The following ZER1 variants were observed in gnomAD, a reference collection of about 807,000 sequenced individuals.
ZER1 encodes the protein zyg-11 related cell cycle regulator.
A neutral mutation model predicts 78.8 loss-of-function variants in ZER1; 11 were observed. The ratio of observed to expected loss-of-function variants is 0.14; its 90% CI spans 0.09 to 0.23. ZER1 has a LOEUF of 0.23. ZER1 is among the 10% of genes least tolerant of loss of function. ZER1 has a pLI of 1.00. For synonymous variants in ZER1, 400 were observed against 407.0 expected, an observed-to-expected ratio of 0.98 and a Z score of 0.21; for missense variants, 588 against 996.9, an observed-to-expected ratio of 0.59 and a Z score of 5.52.
chr9:128,761,961 G>GA (rs61227988), intron 1 of ZER1, among the ~76,000 whole-genome samples: 2 of 110 alleles, frequency 0.018, no homozygotes, highest in East Asian at 0.25. Context: ...GTGTAAACTA[G>GA]ACTGGAACCT....
At chr9:128,752,623 A>G in intron 5 of ZER1, 50 bp downstream of exon 5, 1 of 1,558,920 alleles carries the variant, frequency 6.4e-7, no homozygotes, top group Non-Finnish European at 8.7e-7. Context: ...GCCAGCCTAA[A>G]TGCCTGTTGA....
At chr9:128,768,930 A>G (rs1864298503) in intron 1 of ZER1, among the ~76,000 whole-genome samples, 1 of 151,802 alleles carries the variant, frequency 6.6e-6, no homozygotes, top group South Asian at 2.1e-4. Context: ...TAGAATGGAA[A>G]TTTGCTGGGC....
At chr9:128,760,964 C>G (rs1049352676) in intron 1 of ZER1, among the ~76,000 whole-genome samples, 3 of 151,842 alleles carry the variant, frequency 2.0e-5, no homozygotes, top group African/African-American at 7.3e-5. Flanking sequence ...TCAAGACCAT[C>G]CTGGCTAACA....
intron 1 of ZER1, among the ~76,000 whole-genome samples, chr9:128,763,601 G>T (rs1864116156): frequency 6.6e-6 from 1 of 152,212 alleles, no homozygotes; most frequent in Non-Finnish European, 1.5e-5. Flanking sequence ...GCGTAACTGG[G>T]ACCAGTGTCT....
intron 9 of ZER1, among the ~76,000 whole-genome samples, chr9:128,742,088 C>G (rs574680908): frequency 6.6e-5 from 10 of 152,340 alleles, no homozygotes; most frequent in African/African-American, 2.4e-4. Context: ...TGGGCACAGC[C>G]CTTCCCGCTG....
At position 128,770,290 on chromosome 9, in the gene ZER1, A is replaced by AT. The variant is rs553397559; in HGVS notation, c.-95+1290dup. 6.7e-3 allele frequency among the ~76,000 whole-genome samples: 1,003 copies of AT among 149,700 alleles called. 6 individuals are homozygous for AT. The highest frequency in any genetic ancestry group is 7.7e-3 in the Non-Finnish European group (517 of 67,146). On this transcript the variant is annotated intron_variant, in intron 1 of 15. Transcript: ENST00000291900. Reference sequence around the variant, plus strand: ...AGACATGAGCCACCACGGCCAGCTAATTTTTTTTTTGGTACTTTTAGTAGA... The same window carrying AT: ...AGACATGAGCCACCACGGCCAGCTAATTTTTTTTTTTGGTACTTTTAGTAGA...
At chr9:128,748,172 G>A (rs549659152) in intron 8 of ZER1, among the ~76,000 whole-genome samples, 1 of 152,060 alleles carries the variant, frequency 6.6e-6, no homozygotes, top group Non-Finnish European at 1.5e-5. Context: ...TTGGGAGGCC[G>A]ACGCAGGCGG....
rs573055562 is a variant in ZER1, at chr9:128,756,939, T to C, written c.-94-1280A>G. ...AAAGTGAAGTCTCCTACTAGCTTCA[T>C]GACTTTAGCACAGCTAAAGATTTCC... is the stretch of plus-strand genomic sequence containing the variant. On this transcript the variant is annotated intron_variant, in intron 1 of 15. Coordinates refer to ENST00000291900, the MANE Select transcript of ZER1 (RefSeq NM_006336.4). Among the ~76,000 whole-genome samples, 219 of 152,336 alleles carry C rather than the reference T, an allele frequency of 1.4e-3. 4 individuals carry two copies. The highest frequency in any genetic ancestry group is 0.014 in the Admixed American group (214 of 15,286).
chr9:128,734,144 A>AAAAAAAAAATATATATATATATAT, intron 14 of ZER1, among the ~76,000 whole-genome samples: 4 of 14,440 alleles, frequency 2.8e-4, no homozygotes, highest in Admixed American at 1.5e-3. Context: ...AAAAAAAAAA[A>AAAAAAAAAATATATATATATATAT]ATATATATAT....
Position 128,768,938 on chromosome 9 carries a change from G to A in ZER1, c.-95+2643C>T, listed in dbSNP as rs531782884. On this transcript the variant is annotated intron_variant, in intron 1 of 15. Transcript: ENST00000291900. The stretch of plus-strand genomic sequence containing the variant: ...TACGTGGTAGAATGGAAATTTGCTG[G>A]GCTCATTTTAATTCTTTTTTTTTTA... 3.4e-4 allele frequency among the ~76,000 whole-genome samples: 52 copies of A among 152,124 alleles called. 1 individual carries two copies. Among genetic ancestry groups the A allele is most frequent in the African/African-American group, 1.2e-3 (50 of 41,496 alleles).
chr9:128,770,907 T>C (rs1477326101), intron 1 of ZER1, among the ~76,000 whole-genome samples: 1 of 152,196 alleles, frequency 6.6e-6, no homozygotes. Context: ...CGGTGGCTCA[T>C]GCCTGTATTT....
chr9:128,743,985 G>A (rs1300525313), intron 8 of ZER1, among the ~76,000 whole-genome samples: 1 of 141,262 alleles, frequency 7.1e-6, no homozygotes, highest in Non-Finnish European at 1.5e-5. Flanking sequence ...TGCAACCCCT[G>A]CCTGTGGCGT....
chr9:128,731,216 C>G lies in ZER1; in HGVS notation c.*121G>C. The G allele has an allele frequency of 1.4e-6, 1 of 696,226 alleles. No individual in the cohort carries two copies. The highest frequency in any genetic ancestry group is 2.3e-6 in the Non-Finnish European group (1 of 428,050). The allele number at this position is 696,226 out of a possible 1,614,324, so 43.1% of individuals were successfully genotyped here. On this transcript the variant is annotated 3_prime_UTR_variant, in exon 16 of 16. Coordinates refer to ENST00000291900, the MANE Select transcript of ZER1 (RefSeq NM_006336.4). ...GGAAAAGCGTCGGTTGTGCAAAAGT[C>G]CCCCATGTCTCTTCACTCCGTGGGA...
chr9:128,755,658 G>A lies in ZER1; in HGVS notation c.-93C>T. ...TCACAGGATCATTGGCAGAGCCACT[G>A]CCTGGGGAGTGGACAAGATGCCAAG... On this transcript the variant is annotated splice_region_variant and 5_prime_UTR_variant, in exon 2 of 16. Transcript: ENST00000291900. The surrounding 1 kb of genome is among the most constrained non-coding windows in gnomAD (Gnocchi z 5.6). 1 of 1,504,750 alleles carries A rather than the reference G, an allele frequency of 6.6e-7. No homozygotes were observed. The highest frequency in any genetic ancestry group is 9.0e-7 in the Non-Finnish European group (1 of 1,108,938). The allele number at this position is 1,504,750 out of a possible 1,614,324, so 93.2% of individuals were successfully genotyped here. A position where few individuals can be genotyped will look rare whatever the true frequency, so the allele number is the denominator to read the frequency against.
chr9:128,772,183 C>T (rs1564416183), upstream of ZER1, among the ~76,000 whole-genome samples: 3 of 152,282 alleles, frequency 2.0e-5, no homozygotes, highest in Non-Finnish European at 4.4e-5. Flanking sequence ...GGTGCCCGCC[C>T]TGGCGCTGCG....
chr9:128,750,521 G>A, intron 8 of ZER1, 95 bp downstream of exon 8: 1 of 1,425,342 alleles, frequency 7.0e-7, no homozygotes, highest in Non-Finnish European at 9.6e-7. Context: ...TGGGACAGAT[G>A]CAGCCCAGAG....
Position 128,740,998 on chromosome 9 carries a change from A to G in ZER1, c.1738-111T>C, listed in dbSNP as rs1022215979. 8.2e-5 allele frequency: 56 copies of G among 681,676 alleles called. No homozygotes were observed. Among genetic ancestry groups the G allele is most frequent in the Non-Finnish European group, 1.4e-4 (52 of 369,398 alleles). The allele number at this position is 681,676 out of a possible 1,614,324, so 42.2% of individuals were successfully genotyped here. On this transcript the variant is annotated intron_variant, in intron 11 of 15. Transcript: ENST00000291900. The surrounding 1 kb of genome is among the most constrained non-coding windows in gnomAD (Gnocchi z 4.4). The stretch of plus-strand genomic sequence containing the variant: ...ATCTGGCCATGCCAACTAGACAAAG[A>G]GGGGGCATATATGCTGCCCTCCTAC...
intron 1 of ZER1, among the ~76,000 whole-genome samples, chr9:128,767,011 C>T (rs1188697398): frequency 6.6e-6 from 1 of 150,718 alleles, no homozygotes; most frequent in Admixed American, 6.6e-5. Flanking sequence ...GGCACAATCT[C>T]GGCTCACTGC....
chr9:128,766,941 T>TA (rs1864230923), intron 1 of ZER1, among the ~76,000 whole-genome samples: 1 of 150,730 alleles, frequency 6.6e-6, no homozygotes. Context: ...TTTATTTATT[T>TA]TTCTTTCTTT....
Sources: allele counts gnomAD v4.1 joint callset (sites outside exome capture counted in the v4.1 genomes callset), GRCh38; gene constraint gnomAD v4.1.1; non-coding constraint Gnocchi (gnomAD v3.1); transcripts MANE v1.5; gene names NCBI Gene and HGNC (gene_info 2026-07-23, HGNC 2026-07-21).